Variants in HS1BP3 observed in about 807,000 individuals in gnomAD.
The protein encoded by HS1BP3 is HCLS1-binding protein 3.
A neutral mutation model predicts 33.5 loss-of-function variants in HS1BP3; 32 were observed. The observed-to-expected ratio is 0.95, with a 90% confidence interval of 0.72 to 1.28. The LOEUF is 1.28. Among genes scored for constraint, HS1BP3 ranks in the 50% most tolerant of loss-of-function variants. The pLI, the probability that HS1BP3 is intolerant of heterozygous loss-of-function variation, is 0.00. For missense variants in HS1BP3, 486 were observed against 502.3 expected (o/e 0.97, Z 0.31); for synonymous variants, 187 against 209.2 (o/e 0.89, Z 0.92).
At chr2:20,634,501 G>A (rs1225877167) in intron 4 of HS1BP3, among the ~76,000 whole-genome samples, 5 of 152,232 alleles carry the variant, frequency 3.3e-5, no homozygotes, top group African/African-American at 4.8e-5. Flanking sequence ...AGGCCCATGC[G>A]CAGTGGTCGG....
At chr2:20,622,124 G>A (rs1281974590) in intron 6 of HS1BP3, 16 of 1,200,916 alleles carry the variant, frequency 1.3e-5, no homozygotes, top group African/African-American at 1.6e-5. Context: ...CACCCCACGC[G>A]GCCTCAGGGT....
At chr2:20,587,764 A>T (rs1207841075), downstream of HS1BP3, among the ~76,000 whole-genome samples, 3 of 152,214 alleles carry the variant, frequency 2.0e-5, no homozygotes, top group Admixed American at 6.5e-5. Flanking sequence ...AAAAAATAAA[A>T]AAATAAATAA....
rs930544099 is a variant in HS1BP3 at position 20,629,761 on chromosome 2, G to A, written c.624-4869C>T. Among the ~76,000 whole-genome samples the A allele has an allele frequency of 4.6e-5, 7 of 152,216 alleles. No homozygotes were observed. The South Asian group carries it at 1.0e-3, about 22-fold the overall frequency. ...CGCTTTCCTGCTGTGTATTCCTGAC[G>A]GCAGACAGACGCGCAGACCAGGCCA... On this transcript the variant is annotated intron_variant, in intron 4 of 6. Coordinates refer to ENST00000304031, the MANE Select transcript of HS1BP3 (RefSeq NM_022460.4).
At chr2:20,631,974 A>C (rs990362443) in intron 4 of HS1BP3, among the ~76,000 whole-genome samples, 4 of 152,216 alleles carry the variant, frequency 2.6e-5, no homozygotes, top group Admixed American at 2.0e-4. Context: ...AGTCAGCCCC[A>C]AATGGCCAAG....
At chr2:20,556,008 G>A (rs1692833629), downstream of HS1BP3, among the ~76,000 whole-genome samples, 1 of 152,120 alleles carries the variant, frequency 6.6e-6, no homozygotes, top group African/African-American at 2.4e-5. Context: ...CTGTAGACAG[G>A]TGCAAAATAA....
intron 5 of HS1BP3, among the ~76,000 whole-genome samples, chr2:20,576,450 C>T (rs528730780): frequency 1.3e-5 from 2 of 152,318 alleles, no homozygotes; most frequent in Admixed American, 6.5e-5. Context: ...TCAGGCGTCC[C>T]GTTTTCCATG....
chr2:20,561,891 A>G (rs1693006496), intron 5 of HS1BP3, among the ~76,000 whole-genome samples: 2 of 152,068 alleles, frequency 1.3e-5, no homozygotes, highest in Non-Finnish European at 2.9e-5. Flanking sequence ...ACGTGATTAG[A>G]AGGTTGGGAC....
At chr2:20,576,297 C>T (rs1362741610) in intron 5 of HS1BP3, among the ~76,000 whole-genome samples, 2 of 152,228 alleles carry the variant, frequency 1.3e-5, no homozygotes, top group East Asian at 3.9e-4. Context: ...AGGTTTCTTT[C>T]TGCTCAATCT....
At chr2:20,634,425 T>C (rs4666448) in intron 4 of HS1BP3, among the ~76,000 whole-genome samples, 150,073 of 152,360 alleles carry the variant, frequency 0.98, 73,955 homozygotes, top group East Asian at 1. Context: ...GTGGTCTCTG[T>C]TGCACTGGTG....
chr2:20,646,037 A>T (rs1193375747), intron 1 of HS1BP3, among the ~76,000 whole-genome samples: 2 of 152,212 alleles, frequency 1.3e-5, no homozygotes, highest in Non-Finnish European at 1.5e-5. Context: ...CCCGTCCCTC[A>T]TCTGGGCAGT....
intron 5 of HS1BP3, among the ~76,000 whole-genome samples, chr2:20,566,299 C>T (rs1220476994): frequency 6.6e-6 from 1 of 152,250 alleles, no homozygotes; most frequent in African/African-American, 2.4e-5. Context: ...ACAGACACTG[C>T]TTGGGCTGAC....
At chr2:20,602,963 A>G (rs1484032325) in intron 2 of HS1BP3, among the ~76,000 whole-genome samples, 1 of 152,262 alleles carries the variant, frequency 6.6e-6, no homozygotes, top group Non-Finnish European at 1.5e-5. Flanking sequence ...ATGGCTAATA[A>G]CAAGCACCAA....
intron 2 of HS1BP3, among the ~76,000 whole-genome samples, chr2:20,612,547 A>G (rs1214124290): frequency 6.6e-6 from 1 of 152,176 alleles, no homozygotes; most frequent in Non-Finnish European, 1.5e-5. Flanking sequence ...GAAATTTCCT[A>G]TACATAGAAT....
intron 2 of HS1BP3, among the ~76,000 whole-genome samples, chr2:20,600,438 A>G (rs906258235): frequency 6.6e-6 from 1 of 152,228 alleles, no homozygotes; most frequent in African/African-American, 2.4e-5. Context: ...TTCAAGTCAC[A>G]GAGAACCCAG....
At chr2:20,641,247 A>C (rs953344089) in intron 2 of HS1BP3, 67 bp from the exon 3 acceptor site, 6 of 1,426,232 alleles carry the variant, frequency 4.2e-6, no homozygotes, top group Non-Finnish European at 5.8e-6. Flanking sequence ...TCTCACCCCG[A>C]CCAGGGGTTC....
intron 3 of HS1BP3, among the ~76,000 whole-genome samples, chr2:20,593,935 C>G (rs901287797): frequency 1.3e-5 from 2 of 152,208 alleles, no homozygotes; most frequent in Non-Finnish European, 2.9e-5. Flanking sequence ...CTAAAACTTC[C>G]CTGATGAAAA....
chr2:20,600,401 C>T (rs532611317), intron 2 of HS1BP3, among the ~76,000 whole-genome samples: 2 of 152,280 alleles, frequency 1.3e-5, no homozygotes, highest in Admixed American at 6.5e-5. Context: ...CAAGTCGCAA[C>T]GGCCCTAGCA....
intron 2 of HS1BP3, among the ~76,000 whole-genome samples, chr2:20,600,831 A>AT (rs1455215925): frequency 3.3e-5 from 5 of 152,184 alleles, no homozygotes; most frequent in East Asian, 1.9e-4. Flanking sequence ...TTTATAAAAA[A>AT]ATATATATTT....
intron 3 of HS1BP3, chr2:20,640,765 T>G: frequency 1.6e-6 from 1 of 620,682 alleles, no homozygotes. Flanking sequence ...AGCCCCCACC[T>G]GACAGCCAGA....
Sources: allele counts gnomAD v4.1 joint callset (sites outside exome capture counted in the v4.1 genomes callset), GRCh38; gene constraint gnomAD v4.1.1; transcripts MANE v1.5; gene names NCBI Gene and HGNC (gene_info 2026-07-23, HGNC 2026-07-21).